Variants in PARD3B observed in about 807,000 individuals in gnomAD.
PARD3B encodes par-3 family cell polarity regulator beta, also known as partitioning defective 3 homolog B.
A neutral mutation model predicts 130.2 loss-of-function variants in PARD3B; 103 were observed. That is an observed-to-expected ratio of 0.79 (90% CI 0.67 to 0.93). The LOEUF is 0.93. Ranked by LOEUF, PARD3B falls within the 40% of genes least tolerant of loss-of-function variation. The pLI, the probability that PARD3B is intolerant of heterozygous loss-of-function variation, is 0.00. For missense variants in PARD3B, 1,609 were observed against 1,499.2 expected, an observed-to-expected ratio of 1.07 and a Z score of -1.21; for synonymous variants, 583 against 553.2, an observed-to-expected ratio of 1.05 and a Z score of -0.76.
chr2:204,858,078 C>G (rs997705840), intron 2 of PARD3B, among the ~76,000 whole-genome samples: 3 of 151,974 alleles, frequency 2.0e-5, no homozygotes, highest in Non-Finnish European at 2.9e-5. Flanking sequence ...AATAGTGTAT[C>G]CATAATATTG....
intron 3 of PARD3B, among the ~76,000 whole-genome samples, chr2:205,030,407 G>A (rs1189146977): frequency 6.6e-6 from 1 of 152,136 alleles, no homozygotes; most frequent in African/African-American, 2.4e-5. Context: ...ATGCTGAAAA[G>A]TTGTTAGAGA....
chr2:204,563,127 T>G (rs2031425092), intron 1 of PARD3B, among the ~76,000 whole-genome samples: 1 of 152,184 alleles, frequency 6.6e-6, no homozygotes, highest in Admixed American at 6.5e-5. Context: ...CTTTCTTGCT[T>G]CTTCCAGCTT....
At chr2:204,625,621 C>G (rs1050403940) in intron 1 of PARD3B, among the ~76,000 whole-genome samples, 8 of 152,158 alleles carry the variant, frequency 5.3e-5, no homozygotes, top group African/African-American at 1.9e-4. Context: ...AAATTCTTCT[C>G]TCTAATTAAA....
chr2:205,555,941 A>G (rs894360916), intron 22 of PARD3B, among the ~76,000 whole-genome samples: 4 of 152,216 alleles, frequency 2.6e-5, no homozygotes, highest in African/African-American at 9.7e-5. Flanking sequence ...TGCAGAAAGC[A>G]GAGGCCAGAG....
chr2:204,892,961 T>C (rs1362977114), intron 2 of PARD3B, among the ~76,000 whole-genome samples: 2 of 152,148 alleles, frequency 1.3e-5, no homozygotes, highest in African/African-American at 4.8e-5. Context: ...TAGAAATGGC[T>C]CATATGGAGA....
At chr2:204,595,743 A>G (rs1417379172) in intron 1 of PARD3B, among the ~76,000 whole-genome samples, 3 of 152,262 alleles carry the variant, frequency 2.0e-5, no homozygotes, top group Admixed American at 1.3e-4. Context: ...TAAAATGAGC[A>G]TGTACTTTAA....
chr2:204,996,901 C>T (rs567691181), intron 3 of PARD3B, among the ~76,000 whole-genome samples: 11 of 151,284 alleles, frequency 7.3e-5, no homozygotes, highest in Admixed American at 3.3e-4. Context: ...TGACCCCTTG[C>T]GCTTCCCAGG....
intron 6 of PARD3B, among the ~76,000 whole-genome samples, chr2:205,114,480 G>T (rs201967226): frequency 7.5e-5 from 7 of 93,670 alleles, no homozygotes; most frequent in Admixed American, 6.7e-4. Flanking sequence ...TGAAAAGGGG[G>T]GATTCCTTAG....
chr2:204,547,911 G>A (rs77051499), intron 1 of PARD3B, among the ~76,000 whole-genome samples: 3,996 of 152,176 alleles, frequency 0.026, 76 homozygotes, highest in Non-Finnish European at 0.039. Flanking sequence ...GAACAATGTA[G>A]TTGCATTGAT....
chr2:204,760,269 T>C (rs1430300860), intron 2 of PARD3B, among the ~76,000 whole-genome samples: 1 of 152,112 alleles, frequency 6.6e-6, no homozygotes, highest in African/African-American at 2.4e-5. Context: ...TATGAAGAGT[T>C]GATATACATG....
Position 205,308,202 on chromosome 2 carries a change from T to C in PARD3B, c.2630+6501T>C, listed in dbSNP as rs115213389. 7.7e-3 allele frequency among the ~76,000 whole-genome samples: 1,174 copies of C among 152,316 alleles called. 20 individuals carry two copies. The highest frequency in any genetic ancestry group is 0.027 in the African/African-American group (1,103 of 41,570). ...TAAAGCCCTATTTTGTATCAGGCAC[T>C]GTTCTAGGCACTTGACACACAGCAA... On this transcript the variant is annotated intron_variant, in intron 18 of 22. Coordinates refer to ENST00000406610, the MANE Select transcript of PARD3B (RefSeq NM_001302769.2).
At chr2:205,524,408 G>A (rs995970798) in intron 21 of PARD3B, among the ~76,000 whole-genome samples, 3 of 152,130 alleles carry the variant, frequency 2.0e-5, no homozygotes, top group African/African-American at 7.2e-5. Context: ...GAGAGGACAG[G>A]AGTGGAGCCA....
intron 22 of PARD3B, among the ~76,000 whole-genome samples, chr2:205,594,836 C>T (rs1203448018): frequency 6.6e-6 from 1 of 152,134 alleles, no homozygotes; most frequent in East Asian, 1.9e-4. Context: ...GGGTCCATAC[C>T]ACTCAGCCAT....
intron 4 of PARD3B, among the ~76,000 whole-genome samples, chr2:205,096,210 T>C (rs576305624): frequency 6.6e-6 from 1 of 152,226 alleles, no homozygotes; most frequent in East Asian, 1.9e-4. Context: ...TGGTGCATTA[T>C]GACATTTTAT....
chr2:205,328,210 C>G (rs897340222), intron 18 of PARD3B, among the ~76,000 whole-genome samples: 1 of 152,134 alleles, frequency 6.6e-6, no homozygotes, highest in Non-Finnish European at 1.5e-5. Context: ...GAGAGAAACT[C>G]ATTTTATCAT....
chr2:204,636,662 G>T (rs1369427782), intron 1 of PARD3B, among the ~76,000 whole-genome samples: 1 of 152,058 alleles, frequency 6.6e-6, no homozygotes, highest in Non-Finnish European at 1.5e-5. Context: ...GCCATCTTGT[G>T]CTCTTATGGC....
chr2:204,803,157 AAAAAAAATAT>A (rs1229075300), intron 2 of PARD3B, among the ~76,000 whole-genome samples: 1 of 137,276 alleles, frequency 7.3e-6, no homozygotes, highest in African/African-American at 2.7e-5. Flanking sequence ...AAAAAAAAAA[AAAAAAAATAT>A]ATATATATAT....
chr2:205,442,460 G>A (rs905840735), intron 20 of PARD3B, among the ~76,000 whole-genome samples: 1 of 151,880 alleles, frequency 6.6e-6, no homozygotes. Context: ...CTGCAACCAC[G>A]GCTGGCTAAT....
At chr2:205,329,648 C>T (rs2043045184) in intron 18 of PARD3B, among the ~76,000 whole-genome samples, 1 of 152,130 alleles carries the variant, frequency 6.6e-6, no homozygotes, top group African/African-American at 2.4e-5. Flanking sequence ...GAATTAAGGG[C>T]CCTCCTCATT....
Sources: gnomAD v4.1 joint callset for allele counts (sites outside exome capture counted in the v4.1 genomes callset) on GRCh38, gnomAD v4.1.1 for gene constraint, MANE v1.5 for transcripts, NCBI Gene and HGNC (gene_info 2026-07-23, HGNC 2026-07-21) for gene names.